Variants in LEPROTL1 observed in about 807,000 individuals in gnomAD.
The protein encoded by LEPROTL1 is leptin receptor overlapping transcript-like 1.
A neutral mutation model predicts 15.4 loss-of-function variants in LEPROTL1; 6 were observed. The observed-to-expected ratio is 0.39, with a 90% CI of 0.21 to 0.77. The LOEUF (loss-of-function observed/expected upper bound fraction) is 0.77, where lower values mean the gene tolerates loss of function less well. Among genes scored for constraint, LEPROTL1 ranks in the 30% least tolerant of loss-of-function variants. The pLI, the probability that LEPROTL1 is intolerant of heterozygous loss-of-function variation, is 0.41. For missense variants in LEPROTL1, 128 were observed against 158.1 expected, an observed-to-expected ratio of 0.81 and a Z score of 1.02; for synonymous variants, 56 against 52.6, an observed-to-expected ratio of 1.06 and a Z score of -0.28.
Position 30,131,945 on chromosome 8 carries a change from A to G in LEPROTL1, c.280-430A>G, listed in dbSNP as rs61751946. On this transcript the variant is annotated intron_variant, in intron 3 of 4. Transcript: ENST00000442880. ...AAGGTGAAAGCCAGGGAAAGATGTC[A>G]GTTACATTTGTGCTTTCTCTTCGCC... 1.6e-3 allele frequency: 2,532 copies of G among 1,542,484 alleles called. 35 individuals carry two copies. In the African/African-American group the frequency reaches 0.031, roughly 19 times the overall value.
chr8:30,135,444 C>T (rs1267613358), intron 4 of LEPROTL1, among the ~76,000 whole-genome samples: 1 of 152,122 alleles, frequency 6.6e-6, no homozygotes, highest in Non-Finnish European at 1.5e-5. Flanking sequence ...ATTTTAAATA[C>T]GAACCAGGCC....
chr8:30,115,901 G>A (rs1802734505), intron 3 of LEPROTL1, among the ~76,000 whole-genome samples: 1 of 152,092 alleles, frequency 6.6e-6, no homozygotes, highest in Non-Finnish European at 1.5e-5. Flanking sequence ...TAGATTTTAG[G>A]TGGAAGTGTA....
exon 5 of LEPROTL1, chr8:30,137,434 T>A (rs1172651280): frequency 6.4e-7 from 1 of 1,551,678 alleles, no homozygotes; most frequent in South Asian, 1.2e-5. Context: ...CAGTGCTGAG[T>A]CACTTCTGGG....
intron 1 of LEPROTL1, among the ~76,000 whole-genome samples, chr8:30,099,924 G>A (rs562164532): frequency 1.3e-5 from 2 of 152,326 alleles, no homozygotes; most frequent in African/African-American, 4.8e-5. Flanking sequence ...GGTGTGACAC[G>A]TCACAGGAGA....
intron 3 of LEPROTL1, among the ~76,000 whole-genome samples, chr8:30,122,511 C>T (rs1245808800): frequency 2.0e-5 from 3 of 151,988 alleles, no homozygotes; most frequent in Non-Finnish European, 4.4e-5. Context: ...TTTGGGAGGG[C>T]CAGGCATGGT....
chr8:30,098,259 G>A (rs1199654180), intron 1 of LEPROTL1, among the ~76,000 whole-genome samples: 1 of 152,090 alleles, frequency 6.6e-6, no homozygotes, highest in Non-Finnish European at 1.5e-5. Flanking sequence ...ATAAGAGAAA[G>A]TTCCTTTTCA....
intron 4 of LEPROTL1, among the ~76,000 whole-genome samples, chr8:30,135,666 T>G (rs1803123983): frequency 6.6e-6 from 1 of 152,082 alleles, no homozygotes; most frequent in South Asian, 2.1e-4. Context: ...CCCAGCACTT[T>G]GGGAGGCTGA....
At chr8:30,135,788 C>G (rs1803126277) in intron 4 of LEPROTL1, among the ~76,000 whole-genome samples, 2 of 151,782 alleles carry the variant, frequency 1.3e-5, no homozygotes, top group East Asian at 3.9e-4. Context: ...GTGGTGCATG[C>G]CTGTGGTCCC....
At chr8:30,112,401 A>ATCTTTTTTTTTTTTTTTT (rs1802666213), downstream of LEPROTL1, among the ~76,000 whole-genome samples, 1 of 27,864 alleles carries the variant, frequency 3.6e-5, no homozygotes, top group Non-Finnish European at 6.8e-5. Context: ...TGCCCAGCTA[A>ATCTTTTTTTTTTTTTTTT]TTTTTTTTTT....
At chr8:30,099,816 G>A (rs1285666277) in intron 1 of LEPROTL1, among the ~76,000 whole-genome samples, 1 of 4,670 alleles carries the variant, frequency 2.1e-4, no homozygotes, top group African/African-American at 2.5e-4. Context: ...GGGACAAAGT[G>A]TGCACAGGCC....
intron 1 of LEPROTL1, among the ~76,000 whole-genome samples, 162 bp from the exon 2 acceptor site, chr8:30,101,736 A>T (rs1585462313): frequency 6.6e-6 from 1 of 151,452 alleles, no homozygotes. Flanking sequence ...ACCACAGAAG[A>T]CTTATTCTAA....
intron 2 of LEPROTL1, among the ~76,000 whole-genome samples, chr8:30,103,954 G>C (rs753277188): frequency 4.6e-5 from 7 of 152,138 alleles, no homozygotes; most frequent in Non-Finnish European, 8.8e-5. Context: ...CAGCCTGCCA[G>C]AGTCATAAGA....
At chr8:30,133,703 C>T (rs1803075751) in intron 4 of LEPROTL1, among the ~76,000 whole-genome samples, 5 of 151,472 alleles carry the variant, frequency 3.3e-5, no homozygotes, top group Non-Finnish European at 5.9e-5. Flanking sequence ...GTGGGTGGAA[C>T]CCTTGAGCCC....
intron 3 of LEPROTL1, among the ~76,000 whole-genome samples, chr8:30,128,622 C>T (rs1453689797): frequency 6.6e-6 from 1 of 151,916 alleles, no homozygotes; most frequent in Non-Finnish European, 1.5e-5. Context: ...CATAGTTGTG[C>T]GTTCCTGTAG....
exon 4 of LEPROTL1, chr8:30,132,443 C>A (rs1286176051): frequency 1.3e-6 from 2 of 1,551,620 alleles, no homozygotes; most frequent in African/African-American, 2.7e-5. Context: ...GGCCCAAAGC[C>A]CGCTGCGTGG....
chr8:30,097,680 A>T lies in LEPROTL1; in HGVS notation c.16+2152A>T, dbSNP rs1274202674. 1.3e-4 allele frequency among the ~76,000 whole-genome samples: 17 copies of T among 127,466 alleles called. 1 individual carries two copies. The highest frequency in any genetic ancestry group is 4.7e-4 in the African/African-American group (15 of 31,698). The allele number at this position is 127,466 out of a possible 152,430, so 83.6% of individuals were successfully genotyped here. A position where few individuals can be genotyped will look rare whatever the true frequency, so the allele number is the denominator to read the frequency against. ...GAGTGAGACTCTGTCTCAAAAAAAA[A>T]AAAAATATATATATATATACACACA... On this transcript the variant is annotated intron_variant, in intron 1 of 3. Transcript: ENST00000321250.
At chr8:30,130,906 A>C (rs1441633172) in intron 3 of LEPROTL1, among the ~76,000 whole-genome samples, 1 of 151,460 alleles carries the variant, frequency 6.6e-6, no homozygotes, top group Admixed American at 6.6e-5. Context: ...CAGCCTCCCA[A>C]GTAGCTGGGA....
downstream of LEPROTL1, among the ~76,000 whole-genome samples, chr8:30,112,332 T>C (rs2117498693): frequency 6.6e-6 from 1 of 150,504 alleles, no homozygotes; most frequent in South Asian, 2.1e-4. Context: ...ACCTCCTGGG[T>C]TCAAGCGATT....
At position 30,095,906 on chromosome 8, in the gene LEPROTL1, T is replaced by C. The variant is rs1802355466; in HGVS notation, c.16+378T>C. The C allele has an allele frequency of 5.7e-6, 4 of 696,700 alleles. No homozygotes were observed. In the East Asian group the frequency reaches 8.2e-5, roughly 14 times the overall value. The allele number at this position is 696,700 out of a possible 1,614,324, so 43.2% of individuals were successfully genotyped here. A position where few individuals can be genotyped will look rare whatever the true frequency, so the allele number is the denominator to read the frequency against. On this transcript the variant is annotated intron_variant, in intron 1 of 3. Transcript: ENST00000321250. ...AGAGAGAGGCAGGCAGAGCGTGGGA[T>C]TGAGAAGGCTGAGGCTGCTAGAGAT...
Sources: allele counts gnomAD v4.1 joint callset (sites outside exome capture counted in the v4.1 genomes callset), GRCh38; gene constraint gnomAD v4.1.1; transcripts MANE v1.5; gene names NCBI Gene and HGNC (gene_info 2026-07-23, HGNC 2026-07-21).